BMPR1B: variants seen among roughly 807,000 people sequenced by gnomAD.
The protein encoded by BMPR1B is bone morphogenetic protein receptor type-1B.
Under a neutral mutation model 59.1 loss-of-function variants are expected in BMPR1B, and 12 were observed. That is an observed-to-expected ratio of 0.20 (90% CI 0.13 to 0.33). The LOEUF is 0.33. Among genes scored for constraint, BMPR1B ranks in the 10% least tolerant of loss-of-function variants. The pLI, the probability that BMPR1B is intolerant of heterozygous loss-of-function variation, is 1.00. For missense variants in BMPR1B, 550 were observed against 610.9 expected (o/e 0.90, Z 1.05); for synonymous variants, 237 against 207.3 (o/e 1.14, Z -1.23).
At chr4:95,149,011 T>C (rs1734846787) in intron 11 of BMPR1B, 88 bp downstream of exon 11, 1 of 1,509,256 alleles carries the variant, frequency 6.6e-7, no homozygotes, top group Non-Finnish European at 9.2e-7. Flanking sequence ...TATCATACTG[T>C]CTATAAGATC....
intron 10 of BMPR1B, 102 bp downstream of exon 10, chr4:95,131,614 A>T: frequency 7.3e-7 from 1 of 1,362,596 alleles, no homozygotes; most frequent in Non-Finnish European, 1.0e-6. Context: ...GAGGAATATC[A>T]TTAATTTTGA....
At chr4:94,905,768 G>A (rs1728013706) in intron 2 of BMPR1B, among the ~76,000 whole-genome samples, 1 of 151,868 alleles carries the variant, frequency 6.6e-6, no homozygotes. Context: ...TATCACTGCT[G>A]GGCTTGTGGT....
intron 2 of BMPR1B, among the ~76,000 whole-genome samples, chr4:94,975,899 TTC>T (rs1731015785): frequency 6.6e-6 from 1 of 152,212 alleles, no homozygotes; most frequent in Non-Finnish European, 1.5e-5. Flanking sequence ...TGCTTTTTGT[TTC>T]TATTAATTCT....
chr4:94,922,522 C>T (rs3775017), intron 2 of BMPR1B, among the ~76,000 whole-genome samples: 17,836 of 152,138 alleles, frequency 0.12, 1,356 homozygotes, highest in South Asian at 0.29. Context: ...TGTTTTAGCA[C>T]TATTATTTTT....
In BMPR1B at chr4:95,059,178, A is replaced by G. The variant is rs539102231; in HGVS notation, c.-17-45230A>G. The stretch of plus-strand genomic sequence containing the variant: ...TATTGAGAACTGTGCAGTGACCCGG[A>G]AAACAACAACAATAATCACAAAAGA... On this transcript the variant is annotated intron_variant, in intron 3 of 12. Coordinates refer to ENST00000515059, the MANE Select transcript of BMPR1B (RefSeq NM_001203.3). Among the ~76,000 whole-genome samples, 26 of 152,278 alleles carry G rather than the reference A, an allele frequency of 1.7e-4. No individual in the cohort carries two copies. In the East Asian group the frequency reaches 4.8e-3, roughly 28 times the overall value.
At chr4:94,860,053 A>G in intron 1 of BMPR1B, among the ~76,000 whole-genome samples, 1 of 152,146 alleles carries the variant, frequency 6.6e-6, no homozygotes, top group East Asian at 1.9e-4. Flanking sequence ...TACTGGAGTA[A>G]GAGAAGCAGA....
rs182514249 is a variant in BMPR1B, at chr4:95,014,383, A to G, written c.-18+18249A>G. 4.0e-3 allele frequency among the ~76,000 whole-genome samples: 602 copies of G among 152,312 alleles called. 3 individuals are homozygous for G. Among genetic ancestry groups the G allele is most frequent in the African/African-American group, 0.014 (579 of 41,568 alleles). The stretch of plus-strand genomic sequence containing the variant: ...AAGAATAATTAAGTTAATAAAAGCA[A>G]TCTTTTCTAGGGTTTAACTACCATT... On this transcript the variant is annotated intron_variant, in intron 3 of 12. Transcript: ENST00000515059.
chr4:95,156,287 G>A lies in BMPR1B; in HGVS notation c.*1614G>A, dbSNP rs1218419170. 2 of 149,142 alleles carry A rather than the reference G, an allele frequency of 1.3e-5. No individual in the cohort carries two copies. The highest frequency in any genetic ancestry group is 6.7e-5 in the Admixed American group (1 of 14,990). 9.2% of individuals were successfully genotyped at this position (149,142 alleles called of 1,614,324 possible). On this transcript the variant is annotated 3_prime_UTR_variant, in exon 13 of 13. Transcript: ENST00000515059. ...TTCTTAGAAATTCTGTTAGTGGTTA[G>A]TAAAGAATTTGAAAGTACTTTCTCC...
intron 2 of BMPR1B, among the ~76,000 whole-genome samples, chr4:94,976,978 T>C (rs1247428762): frequency 2.0e-5 from 3 of 152,228 alleles, no homozygotes; most frequent in African/African-American, 7.2e-5. Context: ...CCTCTGCCTT[T>C]TTCTTGGGAA....
intron 6 of BMPR1B, among the ~76,000 whole-genome samples, chr4:95,120,545 T>C (rs1414288511): frequency 6.6e-6 from 1 of 152,042 alleles, no homozygotes; most frequent in East Asian, 1.9e-4. Flanking sequence ...CTAGAACTGA[T>C]AAACGAGTTC....
intron 1 of BMPR1B, among the ~76,000 whole-genome samples, chr4:94,849,796 GTGTGTGTGTGTGTGT>G (rs1725496490): frequency 6.7e-6 from 1 of 149,422 alleles, no homozygotes; most frequent in African/African-American, 2.5e-5. Context: ...GTTTTTTGGT[GTGTGTGTGTGTGTGT>G]GTGTGTGTGT....
rs576911491 is a variant in BMPR1B at position 95,046,191 on chromosome 4, G to A, written c.-18+50057G>A. Reference sequence around the variant, plus strand: ...CCCTAATAACTGGGACTATAGCCAAGTACAAACCACTGTGTCCGGCTTTAA... The same window carrying A: ...CCCTAATAACTGGGACTATAGCCAAATACAAACCACTGTGTCCGGCTTTAA... On this transcript the variant is annotated intron_variant, in intron 3 of 12. Transcript: ENST00000515059. Among the ~76,000 whole-genome samples the A allele has an allele frequency of 8.3e-4, 126 of 152,136 alleles. 1 individual carries two copies. In the South Asian group the frequency reaches 0.025, roughly 31 times the overall value.
chr4:95,077,915 A>G (rs1011447947), intron 3 of BMPR1B, among the ~76,000 whole-genome samples: 1 of 152,224 alleles, frequency 6.6e-6, no homozygotes, highest in Non-Finnish European at 1.5e-5. Context: ...AGTGAATTGA[A>G]TATGGCACAC....
chr4:95,022,084 G>A (rs1043635837), intron 3 of BMPR1B, among the ~76,000 whole-genome samples: 19 of 152,290 alleles, frequency 1.2e-4, no homozygotes, highest in Middle Eastern at 3.4e-3. Context: ...CAGAAGACTC[G>A]TTAGATGGCG....
rs564117045 is a variant in BMPR1B, at chr4:94,994,265, A to G, written c.-112-1775A>G. Among the ~76,000 whole-genome samples the G allele has an allele frequency of 2.6e-5, 4 of 152,294 alleles. 1 individual carries two copies. The South Asian group carries it at 8.3e-4, about 32-fold the overall frequency. On this transcript the variant is annotated intron_variant, in intron 2 of 12. Transcript: ENST00000515059. ...AGTTGGTTTTGTTTTGTTTTTAACT[A>G]CTTTCTGTCTTACACTCTAAGCTCC...
At chr4:94,943,486 G>C (rs1729596884) in intron 2 of BMPR1B, among the ~76,000 whole-genome samples, 1 of 152,256 alleles carries the variant, frequency 6.6e-6, no homozygotes, top group Non-Finnish European at 1.5e-5. Flanking sequence ...TGTGTCTTCA[G>C]GTCTAAATAA....
intron 1 of BMPR1B, among the ~76,000 whole-genome samples, chr4:94,776,602 G>A (rs1366742061): frequency 6.6e-6 from 1 of 152,150 alleles, no homozygotes; most frequent in African/African-American, 2.4e-5. Flanking sequence ...AAGGAATCTT[G>A]ATATATTTCA....
intron 2 of BMPR1B, among the ~76,000 whole-genome samples, chr4:94,908,302 G>A (rs1446488508): frequency 1.3e-5 from 2 of 151,282 alleles, no homozygotes; most frequent in Non-Finnish European, 2.9e-5. Flanking sequence ...GTATGTGTCT[G>A]ATATTTTATA....
At chr4:95,104,247 G>T (rs2149265199) in intron 3 of BMPR1B, 161 bp from the exon 4 acceptor site, 2 of 814,366 alleles carry the variant, frequency 2.5e-6, no homozygotes, top group Non-Finnish European at 3.8e-6. Context: ...CTAGGTAAAA[G>T]ACATGATTTT....
Sources: allele counts gnomAD v4.1 joint callset (sites outside exome capture counted in the v4.1 genomes callset), GRCh38; gene constraint gnomAD v4.1.1; transcripts MANE v1.5; gene names NCBI Gene and HGNC (gene_info 2026-07-23, HGNC 2026-07-21).